The following GLIS3 variants were observed in gnomAD, a reference collection of about 807,000 sequenced individuals.
GLIS3 encodes GLIS family zinc finger 3.
GLIS3 carries 53 observed loss-of-function variants against 78.6 expected under a neutral mutation model. The ratio of observed to expected loss-of-function variants is 0.67; its 90% CI spans 0.54 to 0.85. The LOEUF (loss-of-function observed/expected upper bound fraction) is 0.85. Among genes scored for constraint, GLIS3 ranks in the 40% least tolerant of loss-of-function variants. The pLI is 0.00. For missense variants in GLIS3, 1,703 were observed against 1,231.1 expected, an observed-to-expected ratio of 1.38 and a Z score of -5.74; for synonymous variants, 684 against 509.9, an observed-to-expected ratio of 1.34 and a Z score of -4.60.
intron 9 of GLIS3, among the ~76,000 whole-genome samples, chr9:3,834,903 ATG>A (rs1818260400): frequency 6.6e-6 from 1 of 152,176 alleles, no homozygotes. Flanking sequence ...GAAGAAAGAA[ATG>A]TGTCACCCAC....
intron 6 of GLIS3, among the ~76,000 whole-genome samples, chr9:3,914,195 G>C (rs1242863861): frequency 6.6e-6 from 1 of 152,120 alleles, no homozygotes; most frequent in African/African-American, 2.4e-5. Context: ...ACCCAGGCTG[G>C]AGTGCAATGG....
At chr9:3,992,542 G>A (rs925276440) in intron 4 of GLIS3, among the ~76,000 whole-genome samples, 1 of 152,202 alleles carries the variant, frequency 6.6e-6, no homozygotes, top group East Asian at 1.9e-4. Flanking sequence ...ATGAGATAGA[G>A]TTGGTACAGT....
intron 5 of GLIS3, among the ~76,000 whole-genome samples, chr9:3,934,410 ATT>A (rs71308889): frequency 1.3e-4 from 18 of 138,424 alleles, no homozygotes; most frequent in East Asian, 2.1e-4. Context: ...TTTCTATTTG[ATT>A]TTTTTTTTTT....
chr9:4,020,180 C>T (rs575903913), intron 4 of GLIS3, among the ~76,000 whole-genome samples: 257 of 152,284 alleles, frequency 1.7e-3, no homozygotes, highest in South Asian at 7.7e-3. Flanking sequence ...GGGAACAGCC[C>T]ATGCAAGGAA....
intron 4 of GLIS3, among the ~76,000 whole-genome samples, chr9:4,017,277 T>C (rs73641252): frequency 5.6e-4 from 85 of 152,260 alleles, no homozygotes; most frequent in African/African-American, 2.0e-3. Flanking sequence ...GTCAGAGTGG[T>C]TTAACTGTTC....
intron 4 of GLIS3, among the ~76,000 whole-genome samples, chr9:4,062,928 C>CA (rs879931011): frequency 0.011 from 1,366 of 127,442 alleles, 22 homozygotes; most frequent in African/African-American, 0.034. Flanking sequence ...GACTCCATTT[C>CA]AAAAAAAAAA....
the GLIS3 span, among the ~76,000 whole-genome samples, chr9:4,466,124 G>T: frequency 1.3e-5 from 2 of 152,090 alleles, no homozygotes; most frequent in Non-Finnish European, 2.9e-5. Context: ...GAAAGAAAAG[G>T]CATCAGTGCA....
intron 2 of GLIS3, among the ~76,000 whole-genome samples, chr9:4,313,000 G>C (rs1817387321): frequency 6.6e-6 from 1 of 152,226 alleles, no homozygotes; most frequent in African/African-American, 2.4e-5. Flanking sequence ...AATGACAGTA[G>C]CTCCTCTACT....
chr9:4,129,932 T>G (rs1832849787), intron 2 of GLIS3, among the ~76,000 whole-genome samples: 1 of 152,160 alleles, frequency 6.6e-6, no homozygotes, highest in African/African-American at 2.4e-5. Context: ...ATATGGACAG[T>G]GAAGTCCAGG....
intron 1 of GLIS3, among the ~76,000 whole-genome samples, chr9:4,292,708 G>T (rs1426035346): frequency 1.3e-5 from 2 of 152,174 alleles, no homozygotes; most frequent in Non-Finnish European, 2.9e-5. Context: ...ACAGAATAAG[G>T]ATCAAAATTA....
chr9:4,267,895 C>G (rs1826156419), intron 2 of GLIS3, among the ~76,000 whole-genome samples: 2 of 151,798 alleles, frequency 1.3e-5, no homozygotes, highest in African/African-American at 4.8e-5. Context: ...AATAGATTTG[C>G]TATCCAGACA....
the GLIS3 span, among the ~76,000 whole-genome samples, chr9:4,364,312 A>G: frequency 1.3e-5 from 2 of 152,254 alleles, no homozygotes; most frequent in Admixed American, 1.3e-4. Flanking sequence ...CTTAGTTTAC[A>G]TTAGAAAATT....
At chr9:3,897,038 T>C (rs1279090714) in intron 7 of GLIS3, among the ~76,000 whole-genome samples, 1 of 152,150 alleles carries the variant, frequency 6.6e-6, no homozygotes. Flanking sequence ...CTACCAGACA[T>C]ATAAAAACAG....
the GLIS3 span, among the ~76,000 whole-genome samples, chr9:4,480,835 G>GAA: frequency 4.9e-4 from 65 of 131,612 alleles, no homozygotes; most frequent in South Asian, 3.9e-3. Context: ...CACCTTCATT[G>GAA]AAAAAAAAAA....
intron 4 of GLIS3, among the ~76,000 whole-genome samples, chr9:4,062,181 C>A (rs1826708870): frequency 6.6e-6 from 1 of 152,124 alleles, no homozygotes; most frequent in Non-Finnish European, 1.5e-5. Context: ...TCAACAAATG[C>A]ACAGTCATAT....
intron 4 of GLIS3, among the ~76,000 whole-genome samples, chr9:4,061,872 T>G (rs1047899070): frequency 6.6e-6 from 1 of 152,208 alleles, no homozygotes; most frequent in African/African-American, 2.4e-5. Flanking sequence ...ACCGTGCTCC[T>G]CCTGGTTTAT....
At chr9:4,367,371 T>C in the GLIS3 span, among the ~76,000 whole-genome samples, 5 of 152,234 alleles carry the variant, frequency 3.3e-5, no homozygotes, top group East Asian at 9.7e-4. Context: ...GTCTTACATA[T>C]CCTTTAGGAT....
chr9:4,223,461 T>C (rs1039547606), intron 2 of GLIS3, among the ~76,000 whole-genome samples: 9 of 152,146 alleles, frequency 5.9e-5, no homozygotes, highest in Non-Finnish European at 1.0e-4. Context: ...GAGCCAAGTT[T>C]CTCTAATATT....
chr9:4,403,997 G>T, the GLIS3 span, among the ~76,000 whole-genome samples: 2 of 151,994 alleles, frequency 1.3e-5, no homozygotes, highest in African/African-American at 2.4e-5. Context: ...CACCTATAAA[G>T]GCACACATAG....
Sources: allele counts gnomAD v4.1 joint callset (sites outside exome capture counted in the v4.1 genomes callset), GRCh38; gene constraint gnomAD v4.1.1; transcripts MANE v1.5; gene names NCBI Gene and HGNC (gene_info 2026-07-23, HGNC 2026-07-21).